The following CLCN5 variants were observed in gnomAD, a reference collection of about 807,000 sequenced individuals.
CLCN5 encodes H(+)/Cl(-) exchange transporter 5.
In CLCN5, 17 loss-of-function variants were observed where a neutral mutation model predicts 54.0. The ratio of observed to expected loss-of-function variants is 0.31; its 90% CI spans 0.22 to 0.47. The LOEUF is 0.47. Ranked by LOEUF, CLCN5 falls within the 20% of genes least tolerant of loss-of-function variation. The probability of loss-of-function intolerance (pLI) is 1.00; values close to 1 mark genes in which losing one functional copy is unlikely to be tolerated. For missense variants in CLCN5, 448 were observed against 646.7 expected (o/e 0.69, Z 3.33); for synonymous variants, 222 against 233.0 (o/e 0.95, Z 0.43).
chrX:50,021,486 G>T (rs1274191115), intron 3 of CLCN5, among the ~76,000 whole-genome samples: 15 of 7,311 alleles, frequency 2.1e-3, no homozygotes, highest in Non-Finnish European at 2.7e-3. Context: ...CTGCCTGATT[G>T]CCCTGGCCAG....
chrX:50,049,328 G>A (rs1557188093), intron 4 of CLCN5, among the ~76,000 whole-genome samples: 1 of 111,800 alleles, frequency 8.9e-6, no homozygotes, highest in Non-Finnish European at 1.9e-5. Context: ...AAGAGCAATA[G>A]GCTATACCAT....
At chrX:50,056,058 T>C (rs1932736628) in intron 4 of CLCN5, among the ~76,000 whole-genome samples, 1 of 109,233 alleles carries the variant, frequency 9.2e-6, no homozygotes, top group South Asian at 4.0e-4. Context: ...TATAGATATA[T>C]ATATATATGC....
At chrX:50,060,674 C>A (rs1159230787) in intron 4 of CLCN5, among the ~76,000 whole-genome samples, 7 of 112,320 alleles carry the variant, frequency 6.2e-5, no homozygotes, top group African/African-American at 1.9e-4. Flanking sequence ...GGAGGCCTGC[C>A]TGCCTCTGTA....
chrX:49,947,708 C>G (rs1170928449), intron 3 of CLCN5, among the ~76,000 whole-genome samples: 2 of 111,438 alleles, frequency 1.8e-5, no homozygotes, highest in Non-Finnish European at 3.8e-5. Context: ...GTTTCTTCTT[C>G]TCTTCCTTTC....
intron 12 of CLCN5, among the ~76,000 whole-genome samples, chrX:50,089,428 G>GA (rs1934008498): frequency 8.9e-6 from 1 of 112,143 alleles, no homozygotes; most frequent in Admixed American, 9.4e-5. Flanking sequence ...TTTTTGCATA[G>GA]AAAAAAACTT....
intron 3 of CLCN5, among the ~76,000 whole-genome samples, chrX:50,035,677 C>T (rs1332485698): frequency 8.9e-6 from 1 of 112,163 alleles, no homozygotes; most frequent in Non-Finnish European, 1.9e-5. Context: ...CCTGAAAGTA[C>T]GTGGCCTAGG....
rs1475078007 is a variant in CLCN5, at chrX:50,034,164, C to G, written c.17-8152C>G. Among the ~76,000 whole-genome samples the G allele has an allele frequency of 9.8e-5, 11 of 111,942 alleles. No homozygotes were observed. In the Admixed American group the frequency reaches 1.0e-3, roughly 11 times the overall value. ...ATTTCTCAAAATAAAGTAACTAAAACTGGAAATGGAGTATAAGCTAGATTA... is the reference window on the plus strand; with the variant it reads ...ATTTCTCAAAATAAAGTAACTAAAAGTGGAAATGGAGTATAAGCTAGATTA... On this transcript the variant is annotated intron_variant, in intron 3 of 14. Coordinates refer to ENST00000376091, the MANE Select transcript of CLCN5 (RefSeq NM_001127898.4).
At chrX:49,994,568 AG>A (rs1426510088) in intron 3 of CLCN5, among the ~76,000 whole-genome samples, 1 of 111,794 alleles carries the variant, frequency 8.9e-6, no homozygotes. Context: ...GCTGTATTAA[AG>A]TCTAGTATAT....
rs1350101978 is a variant in CLCN5 at position 50,087,102 on chromosome X, G to T, written c.1557+232G>T. On this transcript the variant is annotated intron_variant, in intron 11 of 14. Coordinates refer to ENST00000376091, the MANE Select transcript of CLCN5 (RefSeq NM_001127898.4). Reference sequence around the variant, plus strand: ...GAGTTGTCCAAATGCCAGCCTCAGTGATGAAATTTTAGGAAGAATGTTTGC... The same window carrying T: ...GAGTTGTCCAAATGCCAGCCTCAGTTATGAAATTTTAGGAAGAATGTTTGC... Among the ~76,000 whole-genome samples the T allele has an allele frequency of 3.6e-5, 4 of 111,359 alleles. No homozygotes were observed. In the East Asian group the frequency reaches 1.1e-3, roughly 31 times the overall value.
chrX:50,077,708 G>A lies in CLCN5; in HGVS notation c.603+1726G>A, dbSNP rs186388706. 8.5e-4 allele frequency among the ~76,000 whole-genome samples: 84 copies of A among 99,151 alleles called. 1 individual carries two copies. Among genetic ancestry groups the A allele is most frequent in the African/African-American group, 3.0e-3 (80 of 26,880 alleles). 86.1% of individuals were successfully genotyped at this position (99,151 alleles called of 115,157 possible). On this transcript the variant is annotated intron_variant, in intron 7 of 14. Transcript: ENST00000376091. The stretch of plus-strand genomic sequence containing the variant: ...TTATTTTAAATGTAATTGGCCAGGC[G>A]CGGTGGCCTGTAATCCCAGCACTTT...
intron 4 of CLCN5, among the ~76,000 whole-genome samples, chrX:50,067,064 C>T (rs3761545): frequency 2.7e-5 from 3 of 111,528 alleles, no homozygotes; most frequent in Non-Finnish European, 3.8e-5. Context: ...GCCCTCTACT[C>T]TGGGTAGCTT....
rs1926929319 is a variant in CLCN5, at chrX:49,949,610, C to T, written c.16+24296C>T. On this transcript the variant is annotated intron_variant, in intron 3 of 14. Coordinates refer to ENST00000376091, the MANE Select transcript of CLCN5 (RefSeq NM_001127898.4). Reference sequence around the variant, plus strand: ...AGTGCTGATTTTTTTTCAAGGGGAACTTACCGCCAGAACATTTAAAGAGCG... The same window carrying T: ...AGTGCTGATTTTTTTTCAAGGGGAATTTACCGCCAGAACATTTAAAGAGCG... Among the ~76,000 whole-genome samples, 6 of 111,143 alleles carry T rather than the reference C, an allele frequency of 5.4e-5. No individual in the cohort carries two copies. In the South Asian group the frequency reaches 2.3e-3, roughly 43 times the overall value.
At chrX:49,963,584 G>C (rs1927709268) in intron 3 of CLCN5, among the ~76,000 whole-genome samples, 1 of 111,648 alleles carries the variant, frequency 9.0e-6, no homozygotes, top group African/African-American at 3.3e-5. Flanking sequence ...CTTACATTTG[G>C]AAAAAGGGAA....
intron 9 of CLCN5, among the ~76,000 whole-genome samples, chrX:50,082,215 T>G (rs1332340959): frequency 2.7e-5 from 3 of 111,996 alleles, no homozygotes; most frequent in Non-Finnish European, 5.6e-5. Flanking sequence ...AAAAGCCAGT[T>G]TCTGAGTAAT....
chrX:50,072,282 G>A (rs1333159668), intron 5 of CLCN5, among the ~76,000 whole-genome samples: 1 of 104,311 alleles, frequency 9.6e-6, no homozygotes, highest in Non-Finnish European at 1.9e-5. Flanking sequence ...AGGAACTTGT[G>A]GGCATTACAA....
chrX:50,039,950 C>T (rs1932154326), intron 3 of CLCN5, among the ~76,000 whole-genome samples: 2 of 111,869 alleles, frequency 1.8e-5, no homozygotes, highest in Non-Finnish European at 3.8e-5. Flanking sequence ...ACCTCGGCCT[C>T]CCAAAGTGCT....
chrX:50,055,934 T>C (rs1033852156), intron 4 of CLCN5, among the ~76,000 whole-genome samples: 1 of 110,928 alleles, frequency 9.0e-6, no homozygotes, highest in Admixed American at 9.8e-5. Context: ...CTAGATACTT[T>C]CATTGTTTCT....
In CLCN5 at chrX:49,956,223, C is replaced by G. The variant is rs1309660713; in HGVS notation, c.16+30909C>G. Among the ~76,000 whole-genome samples, 4 of 111,863 alleles carry G rather than the reference C, an allele frequency of 3.6e-5. 1 individual carries two copies. The highest frequency in any genetic ancestry group is 1.3e-4 in the African/African-American group (4 of 30,746). ...GATCTAGTGCAGCCTCTGACTAAGG[C>G]TGGCATGCCACTCACCCTGCAGTGG... On this transcript the variant is annotated intron_variant, in intron 3 of 14. Coordinates refer to ENST00000376091, the MANE Select transcript of CLCN5 (RefSeq NM_001127898.4).
At chrX:49,984,157 T>C (rs1378701019) in intron 3 of CLCN5, among the ~76,000 whole-genome samples, 1 of 112,077 alleles carries the variant, frequency 8.9e-6, no homozygotes, top group Non-Finnish European at 1.9e-5. Context: ...AAACAAATGT[T>C]GAATTTTTAG....
Sources: allele counts gnomAD v4.1 joint callset (sites outside exome capture counted in the v4.1 genomes callset), GRCh38; gene constraint gnomAD v4.1.1; transcripts MANE v1.5; gene names NCBI Gene and HGNC (gene_info 2026-07-23, HGNC 2026-07-21).